The following FAM200B variants were observed in gnomAD, a reference collection of about 807,000 sequenced individuals.
FAM200B encodes protein FAM200B.
FAM200B carries 32 observed loss-of-function variants against 33.1 expected under a neutral mutation model. That is an observed-to-expected ratio of 0.97 (90% CI 0.73 to 1.30). The LOEUF (loss-of-function observed/expected upper bound fraction) is 1.30, where lower values mean the gene tolerates loss of function less well. FAM200B is among the 50% of genes most tolerant of loss of function. The pLI, the probability that FAM200B is intolerant of heterozygous loss-of-function variation, is 0.00. For synonymous variants in FAM200B, 240 were observed against 264.8 expected, an observed-to-expected ratio of 0.91 and a Z score of 0.91; for missense variants, 741 against 754.0, an observed-to-expected ratio of 0.98 and a Z score of 0.20.
the FAM200B span, among the ~76,000 whole-genome samples, chr4:15,670,076 C>T: frequency 3.1e-4 from 47 of 152,262 alleles, no homozygotes; most frequent in African/African-American, 1.1e-3. Context: ...GGAGGTGTAC[C>T]TTGAAATGAA....
In FAM200B at chr4:15,687,012, G is replaced by T. The variant is rs1158925308; in HGVS notation, c.35G>T (p.Ser12Ile). The change falls in exon 2 of 2, where the codon AGT becomes ATT. Residue 12 changes from serine (S) to isoleucine (I), a missense_variant. Coordinates refer to ENST00000422728, the MANE Select transcript of FAM200B (RefSeq NM_001145191.2). ...DHFFIKRKRNSEVKYTEACSS... is the reference protein window; with the variant it reads ...DHFFIKRKRNIEVKYTEACSS... The stretch of plus-strand genomic sequence containing the variant: ...TTCTTTATTAAAAGAAAGAGGAATA[G>T]TGAAGTGAAATATACAGAAGCATGT... 2.1e-6 allele frequency: 3 copies of T among 1,450,122 alleles called. No homozygotes were observed. The highest frequency in any genetic ancestry group is 2.8e-6 in the Non-Finnish European group (3 of 1,086,502). 89.8% of individuals were successfully genotyped at this position (1,450,122 alleles called of 1,614,324 possible). A position where few individuals can be genotyped will look rare whatever the true frequency, so the allele number is the denominator to read the frequency against.
chr4:15,679,296 C>T (rs1718111497), upstream of FAM200B, among the ~76,000 whole-genome samples: 1 of 152,078 alleles, frequency 6.6e-6, no homozygotes, highest in East Asian at 1.9e-4. Flanking sequence ...TCATGATCCA[C>T]CCGCTTCGGC....
At chr4:15,671,959 T>C in the FAM200B span, among the ~76,000 whole-genome samples, 1 of 152,220 alleles carries the variant, frequency 6.6e-6, no homozygotes, top group Non-Finnish European at 1.5e-5. Flanking sequence ...AATTCTAACA[T>C]GTCACTTTTT....
chr4:15,669,057 A>T, the FAM200B span, among the ~76,000 whole-genome samples: 3 of 152,336 alleles, frequency 2.0e-5, no homozygotes, highest in African/African-American at 7.2e-5. Flanking sequence ...TACAGGATAC[A>T]CCATGTTGTT....
rs145934164 is a variant in FAM200B, at chr4:15,687,280, G to T, written c.303G>T (p.Ser101=). ...NILANESLKP[S]KLKRHLETQH... ...TTGCGAATGAAAGCTTAAAACCTTC[G>T]AAATTAAAAAGGCACTTAGAAACTC... is the stretch of plus-strand genomic sequence containing the variant. Residue 101 remains serine, a synonymous_variant, in exon 2 of 2, where the codon TCG becomes TCT. Coordinates refer to ENST00000422728, the MANE Select transcript of FAM200B (RefSeq NM_001145191.2). The T allele has an allele frequency of 7.1e-6, 11 of 1,547,330 alleles. No individual in the cohort carries two copies. The highest frequency in any genetic ancestry group is 3.3e-4 in the Middle Eastern group (2 of 6,000).
the FAM200B span, among the ~76,000 whole-genome samples, chr4:15,647,259 AAAAAAT>A: frequency 4.2e-4 from 13 of 31,192 alleles, no homozygotes; most frequent in Admixed American, 3.0e-3. Context: ...AAAATGTTGA[AAAAAAT>A]AAAAATAAAC....
the FAM200B span, among the ~76,000 whole-genome samples, chr4:15,649,359 C>T: frequency 2.0e-5 from 3 of 152,066 alleles, no homozygotes; most frequent in East Asian, 5.8e-4. Context: ...GCAGGCGGAT[C>T]ACAAGGTTAA....
chr4:15,637,902 TAAA>T, the FAM200B span, among the ~76,000 whole-genome samples: 539 of 144,828 alleles, frequency 3.7e-3, 1 homozygote, highest in Non-Finnish European at 4.4e-3. Context: ...CTAGTTTTTT[TAAA>T]AAAAAAAAAA....
the FAM200B span, among the ~76,000 whole-genome samples, chr4:15,655,867 G>A: frequency 6.6e-6 from 1 of 152,202 alleles, no homozygotes; most frequent in African/African-American, 2.4e-5. Flanking sequence ...CACCCCGGCC[G>A]CCACTCAAAG....
At chr4:15,643,134 T>C in the FAM200B span, among the ~76,000 whole-genome samples, 1 of 152,204 alleles carries the variant, frequency 6.6e-6, no homozygotes. Flanking sequence ...CTTCTATTAA[T>C]ATTACTATCT....
intron 1 of FAM200B, among the ~76,000 whole-genome samples, chr4:15,685,928 G>C (rs1466163395): frequency 6.6e-6 from 1 of 152,140 alleles, no homozygotes; most frequent in Non-Finnish European, 1.5e-5. Flanking sequence ...CAAGCAAAAA[G>C]GAAGTATGTA....
the FAM200B span, among the ~76,000 whole-genome samples, chr4:15,640,430 A>G: frequency 1.3e-5 from 2 of 151,470 alleles, no homozygotes; most frequent in Admixed American, 6.6e-5. Flanking sequence ...ATCTTTAAAC[A>G]TAGCATGAAA....
chr4:15,646,723 G>C, the FAM200B span, among the ~76,000 whole-genome samples: 2 of 127,332 alleles, frequency 1.6e-5, no homozygotes, highest in East Asian at 4.5e-4. Flanking sequence ...AGGCCCCGGT[G>C]TGTGATGTTC....
At chr4:15,669,884 T>C in the FAM200B span, among the ~76,000 whole-genome samples, 1 of 152,188 alleles carries the variant, frequency 6.6e-6, no homozygotes, top group South Asian at 2.1e-4. Context: ...CATTCCAACT[T>C]ATCCAAGGGT....
chr4:15,680,722 A>C (rs948165632), upstream of FAM200B, among the ~76,000 whole-genome samples: 1 of 152,044 alleles, frequency 6.6e-6, no homozygotes, highest in Admixed American at 6.5e-5. Flanking sequence ...AATTTTTAAA[A>C]ATTTGACTGT....
chr4:15,641,331 T>A, the FAM200B span, among the ~76,000 whole-genome samples: 2 of 152,060 alleles, frequency 1.3e-5, no homozygotes, highest in Non-Finnish European at 2.9e-5. Context: ...TTCACTTAAT[T>A]ACCGATTTTC....
the FAM200B span, among the ~76,000 whole-genome samples, chr4:15,638,874 G>C: frequency 6.6e-6 from 1 of 152,166 alleles, no homozygotes; most frequent in Non-Finnish European, 1.5e-5. Context: ...AGTACACCAA[G>C]AAGATCCTGG....
the FAM200B span, among the ~76,000 whole-genome samples, chr4:15,666,649 A>G: frequency 6.6e-6 from 1 of 151,838 alleles, no homozygotes; most frequent in East Asian, 1.9e-4. Flanking sequence ...TGGGAAACAT[A>G]GTGAGACCTT....
At chr4:15,650,468 T>C in the FAM200B span, among the ~76,000 whole-genome samples, 12 of 152,232 alleles carry the variant, frequency 7.9e-5, no homozygotes, top group East Asian at 3.9e-4. Flanking sequence ...GACCTACTAC[T>C]AATAGGTCAC....
Sources: gnomAD v4.1 joint callset for allele counts (sites outside exome capture counted in the v4.1 genomes callset) on GRCh38, gnomAD v4.1.1 for gene constraint, MANE v1.5 for transcripts, NCBI Gene and HGNC (gene_info 2026-07-23, HGNC 2026-07-21) for gene names.